The following HTR1E variants were observed in gnomAD, a reference collection of about 807,000 sequenced individuals.
HTR1E encodes 5-hydroxytryptamine receptor 1E.
A neutral mutation model predicts 3.4 loss-of-function variants in HTR1E; 3 were observed. The ratio of observed to expected loss-of-function variants is 0.89; its 90% CI spans 0.41 to 2.31. The LOEUF is 2.31. Ranked by LOEUF, HTR1E falls within the 30% of genes most tolerant of loss-of-function variation. The probability of loss-of-function intolerance (pLI) is 0.05; values close to 1 mark genes in which losing one functional copy is unlikely to be tolerated. For missense variants in HTR1E, 392 were observed against 467.0 expected, an observed-to-expected ratio of 0.84 and a Z score of 1.48; for synonymous variants, 170 against 182.8, an observed-to-expected ratio of 0.93 and a Z score of 0.56.
chr6:86,977,186 C>A (rs1426968406), intron 1 of HTR1E, among the ~76,000 whole-genome samples: 1 of 152,100 alleles, frequency 6.6e-6, no homozygotes, highest in Admixed American at 6.5e-5. Context: ...TGCCCCCTTC[C>A]CCCTCTCCCT....
At chr6:86,987,179 G>A (rs944598469) in intron 1 of HTR1E, among the ~76,000 whole-genome samples, 4 of 152,126 alleles carry the variant, frequency 2.6e-5, no homozygotes, top group African/African-American at 9.7e-5. Context: ...CTGAGCCCAT[G>A]TGCAATCTTA....
chr6:86,941,046 G>GGGC lies in HTR1E; in HGVS notation c.-186+3224_-186+3226dup, dbSNP rs1768537970. 3.3e-5 allele frequency among the ~76,000 whole-genome samples: 5 copies of GGGC among 152,346 alleles called. No homozygotes were observed. In the South Asian group the frequency reaches 1.0e-3, roughly 32 times the overall value. The stretch of plus-strand genomic sequence containing the variant: ...GACAGATGAACAGGGAAGAGAAATG[G>GGGC]GGCAGCAGCACTTTAGAGTGACTTA... On this transcript the variant is annotated intron_variant, in intron 1 of 1. Transcript: ENST00000305344.
intron 1 of HTR1E, among the ~76,000 whole-genome samples, chr6:86,974,073 C>G (rs757568484): frequency 3.9e-5 from 6 of 152,170 alleles, no homozygotes; most frequent in Non-Finnish European, 8.8e-5. Flanking sequence ...ATACCCACAG[C>G]TGGAAGTAAT....
intron 1 of HTR1E, among the ~76,000 whole-genome samples, chr6:86,973,898 A>G (rs1767594450): frequency 6.6e-6 from 1 of 152,082 alleles, no homozygotes; most frequent in African/African-American, 2.4e-5. Context: ...TAGACTCTCC[A>G]TCAGTTTCTA....
chr6:87,014,260 A>T (rs1225454556), intron 1 of HTR1E, among the ~76,000 whole-genome samples: 1 of 106,594 alleles, frequency 9.4e-6, no homozygotes, highest in African/African-American at 5.0e-5. Flanking sequence ...AAAGTATAAT[A>T]ATAATAATAA....
intron 1 of HTR1E, among the ~76,000 whole-genome samples, chr6:86,947,676 T>C (rs1767140938): frequency 6.6e-6 from 1 of 152,164 alleles, no homozygotes; most frequent in African/African-American, 2.4e-5. Context: ...TTATATACTT[T>C]TCTTGTGTTC....
intron 1 of HTR1E, among the ~76,000 whole-genome samples, chr6:87,012,604 A>G (rs1436251415): frequency 2.0e-5 from 3 of 152,254 alleles, no homozygotes; most frequent in Admixed American, 6.5e-5. Context: ...TATTTTTAAT[A>G]GGCTTTTATT....
At chr6:87,005,063 T>C (rs965357285) in intron 1 of HTR1E, among the ~76,000 whole-genome samples, 1 of 152,072 alleles carries the variant, frequency 6.6e-6, no homozygotes, top group African/African-American at 2.4e-5. Flanking sequence ...GTGAAAACTA[T>C]AAAACATGAT....
At chr6:86,962,226 GA>G (rs1767419982) in intron 1 of HTR1E, among the ~76,000 whole-genome samples, 1 of 152,276 alleles carries the variant, frequency 6.6e-6, no homozygotes. Context: ...AGCACATAAA[GA>G]AGAAAATAAA....
chr6:86,955,674 G>A (rs1189027023), intron 1 of HTR1E, among the ~76,000 whole-genome samples: 1 of 152,176 alleles, frequency 6.6e-6, no homozygotes, highest in African/African-American at 2.4e-5. Context: ...AATCTCAAAT[G>A]TAAAATAACA....
chr6:86,986,313 A>G (rs1004287724), intron 1 of HTR1E, among the ~76,000 whole-genome samples: 1 of 152,090 alleles, frequency 6.6e-6, no homozygotes, highest in African/African-American at 2.4e-5. Flanking sequence ...TTAAAGTATT[A>G]TATAGGGTCA....
intron 1 of HTR1E, among the ~76,000 whole-genome samples, chr6:87,006,502 G>A (rs1166335689): frequency 1.3e-5 from 2 of 152,162 alleles, no homozygotes; most frequent in African/African-American, 4.8e-5. Context: ...TTAACATTGT[G>A]GAATATGGTG....
intron 1 of HTR1E, among the ~76,000 whole-genome samples, chr6:86,938,348 G>A (rs1215101168): frequency 6.6e-6 from 1 of 152,194 alleles, no homozygotes; most frequent in Non-Finnish European, 1.5e-5. Flanking sequence ...CCCAGGTGTG[G>A]AGGTAATGAG....
chr6:86,962,554 C>A (rs185985077), intron 1 of HTR1E, among the ~76,000 whole-genome samples: 2 of 152,284 alleles, frequency 1.3e-5, no homozygotes, highest in South Asian at 2.1e-4. Context: ...AAGCATATCA[C>A]AGGCTGGGTG....
At chr6:86,945,614 T>C (rs1408920279) in intron 1 of HTR1E, among the ~76,000 whole-genome samples, 1 of 152,230 alleles carries the variant, frequency 6.6e-6, no homozygotes, top group African/African-American at 2.4e-5. Context: ...AATAATGTTA[T>C]AAATAATGAG....
chr6:87,016,557 T>A lies in HTR1E; in HGVS notation c.*125T>A, dbSNP rs1768330557. 1 of 772,216 alleles carries A rather than the reference T, an allele frequency of 1.3e-6. No homozygotes were observed. The highest frequency in any genetic ancestry group is 2.7e-5 in the East Asian group (1 of 37,294). 47.8% of individuals were successfully genotyped at this position (772,216 alleles called of 1,614,324 possible). A position where few individuals can be genotyped will look rare whatever the true frequency, so the allele number is the denominator to read the frequency against. ...GAGTTTGTAAGTATGTGTGGTCTTG[T>A]TTCCTTGTTTGTTTGTTTGTTTTGT... On this transcript the variant is annotated 3_prime_UTR_variant, in exon 2 of 2. Transcript: ENST00000305344.
intron 1 of HTR1E, among the ~76,000 whole-genome samples, chr6:87,008,498 A>G (rs1768151631): frequency 6.6e-6 from 1 of 152,226 alleles, no homozygotes; most frequent in Non-Finnish European, 1.5e-5. Flanking sequence ...AGACGAAAGA[A>G]TATTTATGGT....
At chr6:86,966,036 C>CA (rs1305557878) in intron 1 of HTR1E, among the ~76,000 whole-genome samples, 11 of 149,928 alleles carry the variant, frequency 7.3e-5, no homozygotes, top group East Asian at 5.9e-4. Context: ...CTAACACCCA[C>CA]AAAAAAAAAT....
At chr6:86,962,949 T>G (rs903758148) in intron 1 of HTR1E, among the ~76,000 whole-genome samples, 3 of 152,222 alleles carry the variant, frequency 2.0e-5, no homozygotes, top group South Asian at 2.1e-4. Context: ...CACTATACTT[T>G]TATTGTTATT....
Sources: gnomAD v4.1 joint callset for allele counts (sites outside exome capture counted in the v4.1 genomes callset) on GRCh38, gnomAD v4.1.1 for gene constraint, MANE v1.5 for transcripts, NCBI Gene and HGNC (gene_info 2026-07-23, HGNC 2026-07-21) for gene names.